The following RBFOX1 variants were observed in gnomAD, a reference collection of about 807,000 sequenced individuals.
RBFOX1 encodes the protein RNA binding protein fox-1 homolog 1.
A neutral mutation model predicts 57.7 loss-of-function variants in RBFOX1; 8 were observed. The ratio of observed to expected loss-of-function variants is 0.14; its 90% CI spans 0.08 to 0.25. The LOEUF (loss-of-function observed/expected upper bound fraction) is 0.25, where lower values mean the gene tolerates loss of function less well. Among genes scored for constraint, RBFOX1 ranks in the 10% least tolerant of loss-of-function variants. RBFOX1 has a pLI of 1.00. For missense variants in RBFOX1, 611 were observed against 548.5 expected (o/e 1.11, Z -1.14); for synonymous variants, 326 against 222.4 (o/e 1.47, Z -4.15).
At chr16:5,770,003 A>C (rs1214585018) in intron 3 of RBFOX1, among the ~76,000 whole-genome samples, 1 of 152,186 alleles carries the variant, frequency 6.6e-6, no homozygotes, top group Non-Finnish European at 1.5e-5. Flanking sequence ...GAGGTTACAG[A>C]GGGTGGAGGC....
chr16:6,984,295 C>G (rs1423777878), intron 3 of RBFOX1, among the ~76,000 whole-genome samples: 1 of 152,076 alleles, frequency 6.6e-6, no homozygotes, highest in Admixed American at 6.6e-5. Flanking sequence ...ACCTGTGTGA[C>G]CTAGAGAAAT....
rs1438965537 is a variant in RBFOX1 at position 5,709,846 on chromosome 16, T to TA, written c.318+110885_318+110886insA. Among the ~76,000 whole-genome samples the TA allele has an allele frequency of 2.9e-3, 28 of 9,590 alleles. 1 individual carries two copies. Among genetic ancestry groups the TA allele is most frequent in the Admixed American group, 7.1e-3 (4 of 560 alleles). 6.3% of individuals were successfully genotyped at this position (9,590 alleles called of 152,430 possible). A position where few individuals can be genotyped will look rare whatever the true frequency, so the allele number is the denominator to read the frequency against. The stretch of plus-strand genomic sequence containing the variant: ...ATATATATATATATATATATATATT[T>TA]TTTTTTTTTTTTTTTTTTTTTTTTT... On this transcript the variant is annotated intron_variant, in intron 3 of 19. Transcript: ENST00000641259.
At chr16:6,616,912 C>A (rs981793067) in intron 2 of RBFOX1, among the ~76,000 whole-genome samples, 4 of 152,168 alleles carry the variant, frequency 2.6e-5, no homozygotes, top group Admixed American at 6.5e-5. Flanking sequence ...CACAGTCATG[C>A]TCATTTGTTT....
At chr16:7,185,856 C>T (rs189268244) in intron 4 of RBFOX1, among the ~76,000 whole-genome samples, 1 of 152,264 alleles carries the variant, frequency 6.6e-6, no homozygotes, top group East Asian at 1.9e-4. Context: ...GATTCCATGG[C>T]ATTTTATCCC....
intron 3 of RBFOX1, among the ~76,000 whole-genome samples, chr16:6,747,722 G>A (rs981934856): frequency 6.6e-6 from 1 of 152,020 alleles, no homozygotes; most frequent in Non-Finnish European, 1.5e-5. Flanking sequence ...TGTCTTCTGG[G>A]CACCATCCGC....
chr16:5,447,351 C>A (rs2068273826), intron 1 of RBFOX1, among the ~76,000 whole-genome samples: 1 of 147,104 alleles, frequency 6.8e-6, no homozygotes, highest in African/African-American at 2.6e-5. Context: ...CCCTGTCTCT[C>A]ATCATTCAAT....
Position 7,504,709 on chromosome 16 carries a change from TTATATATA to T in RBFOX1, c.28-13400_28-13393del, listed in dbSNP as rs1181491515. On this transcript the variant is annotated intron_variant, in intron 4 of 15. Transcript: ENST00000550418. Reference sequence around the variant, plus strand: ...TAGCTCCTGTGGAGATGAAGTGAGATTATATATATATATATATATATATATATATATAT... The same window carrying T: ...TAGCTCCTGTGGAGATGAAGTGAGATTATATATATATATATATATATATAT... Among the ~76,000 whole-genome samples the T allele has an allele frequency of 9.1e-4, 68 of 74,456 alleles. 1 individual carries two copies. In the East Asian group the frequency reaches 0.011, roughly 12 times the overall value. 48.8% of individuals were successfully genotyped at this position (74,456 alleles called of 152,430 possible).
chr16:7,505,187 G>A (rs1057138930), intron 4 of RBFOX1, among the ~76,000 whole-genome samples: 7 of 149,644 alleles, frequency 4.7e-5, no homozygotes, highest in African/African-American at 1.7e-4. Flanking sequence ...GTGTGTGCTC[G>A]CATGTGTGTG....
chr16:6,664,189 G>A (rs1169878798), intron 3 of RBFOX1, among the ~76,000 whole-genome samples: 1 of 151,930 alleles, frequency 6.6e-6, no homozygotes, highest in Non-Finnish European at 1.5e-5. Flanking sequence ...GGGACAAAGA[G>A]ATCTAACACC....
intron 1 of RBFOX1, among the ~76,000 whole-genome samples, chr16:5,406,588 C>A (rs1242467316): frequency 1.3e-5 from 2 of 151,998 alleles, no homozygotes; most frequent in African/African-American, 2.4e-5. Flanking sequence ...CTCTCTCTCT[C>A]TCTATATATA....
At chr16:5,924,249 T>C (rs1331699142) in intron 4 of RBFOX1, among the ~76,000 whole-genome samples, 1 of 152,126 alleles carries the variant, frequency 6.6e-6, no homozygotes, top group Non-Finnish European at 1.5e-5. Flanking sequence ...AATTACCCAG[T>C]GTCAGGTATT....
intron 3 of RBFOX1, among the ~76,000 whole-genome samples, chr16:6,656,760 T>C (rs956326768): frequency 2.6e-5 from 4 of 152,176 alleles, no homozygotes; most frequent in Admixed American, 2.6e-4. Flanking sequence ...AAACAATTTG[T>C]TGCAGTTAAT....
exon 3 of RBFOX1, chr16:5,598,997 T>G: frequency 1.3e-6 from 2 of 1,484,586 alleles, no homozygotes; most frequent in Non-Finnish European, 1.8e-6. Context: ...GATTAGATTT[T>G]GAAACTACTT....
intron 1 of RBFOX1, among the ~76,000 whole-genome samples, chr16:5,363,965 G>T (rs2151347855): frequency 6.6e-6 from 1 of 152,316 alleles, no homozygotes; most frequent in East Asian, 1.9e-4. Context: ...CATCTAGTCA[G>T]ATCCTTCATC....
At chr16:5,585,530 A>G (rs1439326143) in intron 2 of RBFOX1, among the ~76,000 whole-genome samples, 1 of 152,122 alleles carries the variant, frequency 6.6e-6, no homozygotes, top group Non-Finnish European at 1.5e-5. Flanking sequence ...TCTTGTGAGT[A>G]TCCTGTGTCT....
At chr16:7,697,350 A>G (rs1478550353) in intron 14 of RBFOX1, among the ~76,000 whole-genome samples, 2 of 152,202 alleles carry the variant, frequency 1.3e-5, no homozygotes, top group African/African-American at 4.8e-5. Context: ...CTAAGGGTCT[A>G]TCAGTTAATT....
chr16:6,893,166 A>G (rs1436774452), intron 3 of RBFOX1, among the ~76,000 whole-genome samples: 1 of 151,894 alleles, frequency 6.6e-6, no homozygotes, highest in Non-Finnish European at 1.5e-5. Flanking sequence ...CTTTCACCTC[A>G]TTTTGCAGGC....
intron 4 of RBFOX1, among the ~76,000 whole-genome samples, chr16:5,929,472 C>A (rs2059003263): frequency 6.6e-6 from 1 of 152,116 alleles, no homozygotes; most frequent in Non-Finnish European, 1.5e-5. Context: ...GTTTCCTCTC[C>A]TATAAGACAG....
Position 5,808,121 on chromosome 16 carries a change from A to G in RBFOX1, c.319-59182A>G, listed in dbSNP as rs539578996. Among the ~76,000 whole-genome samples, 6 of 152,314 alleles carry G rather than the reference A, an allele frequency of 3.9e-5. No individual in the cohort carries two copies. In the East Asian group the frequency reaches 5.8e-4, roughly 15 times the overall value. On this transcript the variant is annotated intron_variant, in intron 3 of 19. Transcript: ENST00000641259. ...GCTCCTGGTATATCAGAATGTGACT[A>G]TGTATGGAGATAGGATTCCAAAGAA... is the stretch of plus-strand genomic sequence containing the variant.
Sources: gnomAD v4.1 joint callset for allele counts (sites outside exome capture counted in the v4.1 genomes callset) on GRCh38, gnomAD v4.1.1 for gene constraint, MANE v1.5 for transcripts, NCBI Gene and HGNC (gene_info 2026-07-23, HGNC 2026-07-21) for gene names.